DPP6: variants seen among roughly 807,000 people sequenced by gnomAD.
DPP6 encodes the protein dipeptidyl peptidase like 6, also known as A-type potassium channel modulatory protein DPP6.
Under a neutral mutation model 122.6 loss-of-function variants are expected in DPP6, and 69 were observed. The observed-to-expected ratio is 0.56, with a 90% CI of 0.46 to 0.69. The LOEUF (loss-of-function observed/expected upper bound fraction) is 0.69, where lower values mean the gene tolerates loss of function less well. DPP6 is among the 30% of genes least tolerant of loss of function. The probability of loss-of-function intolerance (pLI) is 0.00; values close to 1 mark genes in which losing one functional copy is unlikely to be tolerated. For missense variants in DPP6, 928 were observed against 1,116.9 expected, an observed-to-expected ratio of 0.83 and a Z score of 2.41; for synonymous variants, 418 against 433.1, an observed-to-expected ratio of 0.97 and a Z score of 0.43.
chr7:154,579,957 G>A (rs12719581), intron 5 of DPP6, among the ~76,000 whole-genome samples: 130,300 of 151,844 alleles, frequency 0.86, 55,976 homozygotes, highest in Admixed American at 0.89. Context: ...AGAGAGCACA[G>A]AAGAGAGAGA....
intron 1 of DPP6, among the ~76,000 whole-genome samples, chr7:154,228,680 T>TA (rs1367050159): frequency 1.3e-5 from 2 of 149,740 alleles, no homozygotes; most frequent in Admixed American, 1.3e-4. Context: ...ATAATATATA[T>TA]AAGGGAACTT....
intron 1 of DPP6, among the ~76,000 whole-genome samples, chr7:153,899,861 C>T (rs1019616476): frequency 6.6e-5 from 10 of 152,322 alleles, no homozygotes; most frequent in Admixed American, 4.6e-4. Flanking sequence ...GCTTCTTTCT[C>T]ATTAAGAGTT....
intron 5 of DPP6, among the ~76,000 whole-genome samples, chr7:154,573,948 G>A (rs1831288305): frequency 6.6e-6 from 1 of 152,182 alleles, no homozygotes; most frequent in African/African-American, 2.4e-5. Context: ...AAGGCCACTG[G>A]CTGCTGTTGG....
chr7:154,690,634 G>A (rs530099198), intron 7 of DPP6, among the ~76,000 whole-genome samples: 4 of 151,916 alleles, frequency 2.6e-5, no homozygotes, highest in Admixed American at 1.3e-4. Flanking sequence ...CCCCCACCCC[G>A]CATCATGAGG....
At chr7:153,794,834 G>A in the DPP6 span, among the ~76,000 whole-genome samples, 1 of 152,136 alleles carries the variant, frequency 6.6e-6, no homozygotes, top group Non-Finnish European at 1.5e-5. Context: ...AATAAGTCTT[G>A]TGAGATCTGA....
chr7:153,807,552 A>C, the DPP6 span, among the ~76,000 whole-genome samples: 1 of 152,008 alleles, frequency 6.6e-6, no homozygotes, highest in Non-Finnish European at 1.5e-5. Flanking sequence ...GAGTCCCCCA[A>C]ATCAGCTTGC....
chr7:153,843,090 G>A, the DPP6 span, among the ~76,000 whole-genome samples: 1 of 144,786 alleles, frequency 6.9e-6, no homozygotes, highest in African/African-American at 2.6e-5. Flanking sequence ...GCACACACAC[G>A]AGTGCATACA....
chr7:154,305,387 T>C, intron 1 of DPP6: 1 of 984,014 alleles, frequency 1.0e-6, no homozygotes, highest in Middle Eastern at 3.0e-4. Flanking sequence ...ATTTCGGAAG[T>C]ATGGACTAAA....
chr7:154,404,719 C>T (rs1275743048), intron 1 of DPP6, among the ~76,000 whole-genome samples: 1 of 152,292 alleles, frequency 6.6e-6, no homozygotes, highest in African/African-American at 2.4e-5. Context: ...AAAATGGACT[C>T]CTCTCAATAC....
At chr7:154,588,948 A>G (rs1832642990) in intron 5 of DPP6, among the ~76,000 whole-genome samples, 1 of 152,208 alleles carries the variant, frequency 6.6e-6, no homozygotes, top group Admixed American at 6.5e-5. Flanking sequence ...ATTTACCCCC[A>G]TCTTTCCCTG....
At chr7:154,478,799 A>T (rs2151359451) in intron 3 of DPP6, among the ~76,000 whole-genome samples, 1 of 152,308 alleles carries the variant, frequency 6.6e-6, no homozygotes. Flanking sequence ...AACCAAAATT[A>T]TAGGTTCCGA....
chr7:154,504,541 C>G (rs1472898043), intron 3 of DPP6, among the ~76,000 whole-genome samples: 2 of 152,164 alleles, frequency 1.3e-5, no homozygotes, highest in East Asian at 1.9e-4. Context: ...GATGTGAGTA[C>G]AAGAATAGAT....
chr7:154,492,779 C>G (rs200369271), intron 3 of DPP6, among the ~76,000 whole-genome samples: 1 of 152,154 alleles, frequency 6.6e-6, no homozygotes, highest in Non-Finnish European at 1.5e-5. Context: ...CTACACCATC[C>G]TACAAGGAGG....
intron 1 of DPP6, among the ~76,000 whole-genome samples, chr7:153,916,870 T>C (rs1263613150): frequency 1.3e-5 from 2 of 152,182 alleles, no homozygotes; most frequent in Non-Finnish European, 2.9e-5. Context: ...TGGTGAGTTT[T>C]CTATTCTTAT....
intron 1 of DPP6, among the ~76,000 whole-genome samples, chr7:153,926,208 C>T (rs912790944): frequency 6.6e-6 from 1 of 152,230 alleles, no homozygotes; most frequent in East Asian, 1.9e-4. Context: ...CGATCATGTA[C>T]ACCTTTCTAT....
intron 8 of DPP6, among the ~76,000 whole-genome samples, chr7:154,729,343 T>C (rs926062172): frequency 9.2e-5 from 14 of 152,186 alleles, no homozygotes; most frequent in African/African-American, 3.4e-4. Flanking sequence ...CATGCCTCAT[T>C]CTGCATTTTA....
chr7:153,884,987 A>AATACATATATATATATATATATAT (rs1209555021), upstream of DPP6, among the ~76,000 whole-genome samples: 13 of 116,460 alleles, frequency 1.1e-4, 1 homozygote, highest in African/African-American at 3.5e-4. Flanking sequence ...TCAAAACAAA[A>AATACATATATATATATATATATAT]ATATATATAT....
chr7:154,452,444 G>A (rs972283401), intron 2 of DPP6, among the ~76,000 whole-genome samples: 3 of 152,178 alleles, frequency 2.0e-5, no homozygotes, highest in Non-Finnish European at 2.9e-5. Flanking sequence ...GTCACACTTC[G>A]CATATGTTTG....
chr7:154,862,324 C>T (rs1397794248), intron 17 of DPP6, among the ~76,000 whole-genome samples: 1 of 152,256 alleles, frequency 6.6e-6, no homozygotes, highest in Non-Finnish European at 1.5e-5. Flanking sequence ...CCTATGGATG[C>T]AGAGAGCCTG....
Sources: allele counts gnomAD v4.1 joint callset (sites outside exome capture counted in the v4.1 genomes callset), GRCh38; gene constraint gnomAD v4.1.1; transcripts MANE v1.5; gene names NCBI Gene and HGNC (gene_info 2026-07-23, HGNC 2026-07-21).